The following DENND1A variants were observed in gnomAD, a reference collection of about 807,000 sequenced individuals.
The protein encoded by DENND1A is DENN domain containing 1A.
Under a neutral mutation model 113.7 loss-of-function variants are expected in DENND1A, and 51 were observed. That is an observed-to-expected ratio of 0.45 (90% CI 0.36 to 0.57). The LOEUF (loss-of-function observed/expected upper bound fraction) is 0.57. Among genes scored for constraint, DENND1A ranks in the 20% least tolerant of loss-of-function variants. The probability of loss-of-function intolerance (pLI) is 0.00; values close to 1 mark genes in which losing one functional copy is unlikely to be tolerated. For missense variants in DENND1A, 1,258 were observed against 1,395.9 expected, an observed-to-expected ratio of 0.90 and a Z score of 1.57; for synonymous variants, 565 against 570.8, an observed-to-expected ratio of 0.99 and a Z score of 0.14.
chr9:123,394,157 A>T (rs1487109981), intron 21 of DENND1A, among the ~76,000 whole-genome samples: 3 of 151,614 alleles, frequency 2.0e-5, no homozygotes, highest in African/African-American at 4.8e-5. Context: ...ATGCCTGGCT[A>T]TTTTTTTTAT....
rs1438079859 is a variant in DENND1A, at chr9:123,422,076, G to A, written c.1489-10247C>T. ...CTCTATTCCTGGCCCACAAAAGTCGGGCACTCCTACCTCTGTCCTTCCCCT... is the reference window on the plus strand; with the variant it reads ...CTCTATTCCTGGCCCACAAAAGTCGAGCACTCCTACCTCTGTCCTTCCCCT... On this transcript the variant is annotated intron_variant, in intron 19 of 23. Transcript: ENST00000394215. The surrounding 1 kb of genome is among the most constrained non-coding windows in gnomAD (Gnocchi z 4.8). Among the ~76,000 whole-genome samples the A allele has an allele frequency of 6.6e-6, 1 of 152,132 alleles. No individual in the cohort carries two copies. Among genetic ancestry groups the A allele is most frequent in the African/African-American group, 2.4e-5 (1 of 41,414 alleles).
At chr9:123,691,282 G>A (rs1368404575) in intron 5 of DENND1A, among the ~76,000 whole-genome samples, 1 of 152,174 alleles carries the variant, frequency 6.6e-6, no homozygotes, top group Admixed American at 6.5e-5. Flanking sequence ...TCTTGGGGAA[G>A]AGACCTGCAA....
chr9:123,735,252 C>A (rs556296062), intron 5 of DENND1A, among the ~76,000 whole-genome samples: 6 of 152,174 alleles, frequency 3.9e-5, no homozygotes, highest in African/African-American at 1.4e-4. Flanking sequence ...CAGGAAGGAA[C>A]GAGTTCATGG....
chr9:123,533,849 C>T (rs1589019746), intron 13 of DENND1A, among the ~76,000 whole-genome samples: 1 of 152,176 alleles, frequency 6.6e-6, no homozygotes, highest in Non-Finnish European at 1.5e-5. Flanking sequence ...GAACCACTCC[C>T]TCTCCTCCAC....
chr9:123,601,037 A>C (rs563884238), intron 11 of DENND1A, among the ~76,000 whole-genome samples: 1 of 152,318 alleles, frequency 6.6e-6, no homozygotes, highest in East Asian at 1.9e-4. Flanking sequence ...GTTTTCTCTG[A>C]AGCCAGTTTT....
At chr9:123,512,028 G>A (rs2053500867) in intron 13 of DENND1A, among the ~76,000 whole-genome samples, 1 of 152,184 alleles carries the variant, frequency 6.6e-6, no homozygotes, top group Admixed American at 6.5e-5. Flanking sequence ...AGAATACAGA[G>A]GATCGAGTAG....
At chr9:123,724,627 C>A (rs2067571419) in intron 5 of DENND1A, among the ~76,000 whole-genome samples, 1 of 152,082 alleles carries the variant, frequency 6.6e-6, no homozygotes, top group South Asian at 2.1e-4. Context: ...GAGGTCTGAG[C>A]ATCAAAATGT....
intron 21 of DENND1A, among the ~76,000 whole-genome samples, chr9:123,399,221 GA>G (rs2043301954): frequency 6.6e-6 from 1 of 152,184 alleles, no homozygotes; most frequent in Admixed American, 6.5e-5. Context: ...GGAGAGTAGA[GA>G]AGAATGGACC....
chr9:123,415,794 G>A (rs964040595), intron 19 of DENND1A, among the ~76,000 whole-genome samples: 39 of 152,342 alleles, frequency 2.6e-4, no homozygotes, highest in Non-Finnish European at 3.1e-4. Context: ...CAGGGGCACA[G>A]TGGACACGCT....
intron 1 of DENND1A, among the ~76,000 whole-genome samples, chr9:123,914,845 G>A (rs990516531): frequency 5.9e-5 from 9 of 151,926 alleles, no homozygotes; most frequent in African/African-American, 1.5e-4. Context: ...CCACCCCCAC[G>A]ATCCCAATCA....
At chr9:123,697,689 T>TC (rs2065614416) in intron 5 of DENND1A, among the ~76,000 whole-genome samples, 1 of 151,952 alleles carries the variant, frequency 6.6e-6, no homozygotes, top group South Asian at 2.1e-4. Flanking sequence ...CCTTCCTTCC[T>TC]CCCCCTTCCC....
chr9:123,479,513 T>C (rs1243808756), intron 13 of DENND1A, among the ~76,000 whole-genome samples: 1 of 152,236 alleles, frequency 6.6e-6, no homozygotes, highest in African/African-American at 2.4e-5. Context: ...AAAGATAGCC[T>C]GGAATTCCTG....
intron 12 of DENND1A, among the ~76,000 whole-genome samples, chr9:123,573,066 A>G (rs1486975522): frequency 6.6e-6 from 1 of 152,074 alleles, no homozygotes; most frequent in African/African-American, 2.4e-5. Context: ...TCCCTTTTGA[A>G]TTACTTTGGC....
chr9:123,486,822 C>T (rs1275009604), intron 13 of DENND1A, among the ~76,000 whole-genome samples: 2 of 152,230 alleles, frequency 1.3e-5, no homozygotes, highest in African/African-American at 4.8e-5. Flanking sequence ...TTGCCTCTTA[C>T]ACTCCTCTGG....
intron 9 of DENND1A, among the ~76,000 whole-genome samples, chr9:123,650,344 A>C (rs1346177620): frequency 6.6e-6 from 1 of 152,252 alleles, no homozygotes; most frequent in Non-Finnish European, 1.5e-5. Context: ...AACTGTAAGG[A>C]AAACTCTAGT....
chr9:123,875,537 A>G (rs1588039269), intron 2 of DENND1A, among the ~76,000 whole-genome samples: 1 of 152,160 alleles, frequency 6.6e-6, no homozygotes, highest in East Asian at 1.9e-4. Flanking sequence ...TGCAGGGCAA[A>G]TTGGCCATTG....
At chr9:123,897,426 C>A (rs771550783) in intron 1 of DENND1A, among the ~76,000 whole-genome samples, 18 of 152,198 alleles carry the variant, frequency 1.2e-4, no homozygotes, top group Non-Finnish European at 1.8e-4. Flanking sequence ...GGGAAGGAAC[C>A]TTTCCCTACA....
intron 2 of DENND1A, among the ~76,000 whole-genome samples, chr9:123,794,644 C>T (rs1399719001): frequency 2.6e-5 from 4 of 152,020 alleles, no homozygotes; most frequent in East Asian, 3.8e-4. Flanking sequence ...ACTATATGTC[C>T]GAAACCAAAA....
chr9:123,382,527 G>A lies in DENND1A; in HGVS notation c.2118C>T (p.Asp706=). The change falls in exon 24 of 24, where the codon GAC becomes GAT. Residue 706 remains aspartate, a synonymous_variant. Coordinates refer to ENST00000394215, the MANE Select transcript of DENND1A (RefSeq NM_001352964.2). ...CTGGGGGCTTGCTGGGGATGGCCAT[G>A]TCGTCCTGGCCCAGGCTCCAGAGCT... is the stretch of plus-strand genomic sequence containing the variant. ...YNKLWSLGQD[D]MAIPSKPPAA... is the part of the protein sequence containing the mutation. The A allele has an allele frequency of 2.5e-6, 4 of 1,614,158 alleles. No individual in the cohort carries two copies. Among genetic ancestry groups the A allele is most frequent in the Non-Finnish European group, 3.4e-6 (4 of 1,180,022 alleles).
Sources: gnomAD v4.1 joint callset for allele counts (sites outside exome capture counted in the v4.1 genomes callset) on GRCh38, gnomAD v4.1.1 for gene constraint, Gnocchi (gnomAD v3.1) non-coding constraint, MANE v1.5 for transcripts, NCBI Gene and HGNC (gene_info 2026-07-23, HGNC 2026-07-21) for gene names.